Variants in COL4A3 observed in about 807,000 individuals in gnomAD.
The protein encoded by COL4A3 is collagen alpha-3(IV) chain.
In COL4A3, 135 loss-of-function variants were observed where a neutral mutation model predicts 217.4. That is an observed-to-expected ratio of 0.62 (90% CI 0.54 to 0.72). The LOEUF (loss-of-function observed/expected upper bound fraction) is 0.72, where lower values mean the gene tolerates loss of function less well. COL4A3 is among the 30% of genes least tolerant of loss of function. The probability of loss-of-function intolerance (pLI) is 0.00; values close to 1 mark genes in which losing one functional copy is unlikely to be tolerated. For synonymous variants in COL4A3, 690 were observed against 736.3 expected (o/e 0.94, Z 1.02); for missense variants, 1,868 against 2,119.9 (o/e 0.88, Z 2.33).
chr2:227,199,797 T>A (rs1470297386), intron 1 of COL4A3, among the ~76,000 whole-genome samples: 1 of 152,078 alleles, frequency 6.6e-6, no homozygotes, highest in Non-Finnish European at 1.5e-5. Context: ...TTTGTGCTTT[T>A]AACATGCATA....
chr2:227,193,742 AGGG>A (rs780174566), intron 1 of COL4A3, among the ~76,000 whole-genome samples: 8,630 of 39,114 alleles, frequency 0.22, 1,770 homozygotes, highest in East Asian at 0.37. Context: ...GGAGGGAGGG[AGGG>A]AGGGAAGGAA....
intron 1 of COL4A3, among the ~76,000 whole-genome samples, chr2:227,183,797 T>C (rs6436659): frequency 0.17 from 25,884 of 152,112 alleles, 2,378 homozygotes; most frequent in Admixed American, 0.25. Context: ...AGTCAAAAGA[T>C]TGGGCACAGG....
At chr2:227,218,651 C>A (rs1018711163) in intron 1 of COL4A3, among the ~76,000 whole-genome samples, 2 of 152,054 alleles carry the variant, frequency 1.3e-5, no homozygotes, top group African/African-American at 4.8e-5. Context: ...CCAACTTGAA[C>A]AATCAAACTC....
chr2:227,274,277 TA>T (rs1293972346), intron 26 of COL4A3, among the ~76,000 whole-genome samples: 2 of 78,602 alleles, frequency 2.5e-5, no homozygotes, highest in African/African-American at 6.8e-5. Context: ...AAATAAATTT[TA>T]AAAATCACTT....
intron 1 of COL4A3, among the ~76,000 whole-genome samples, chr2:227,226,877 A>C (rs535765523): frequency 6.6e-6 from 1 of 152,362 alleles, no homozygotes; most frequent in South Asian, 2.1e-4. Flanking sequence ...CACGTAGTAA[A>C]TATTTTAGGC....
intron 1 of COL4A3, among the ~76,000 whole-genome samples, chr2:227,200,985 T>C (rs2066664190): frequency 5.3e-5 from 8 of 152,216 alleles, no homozygotes; most frequent in Admixed American, 5.2e-4. Flanking sequence ...GGAAGAAGTG[T>C]TCTTCTTAAA....
At chr2:227,257,982 C>G (rs2070298641) in intron 18 of COL4A3, among the ~76,000 whole-genome samples, 2 of 152,208 alleles carry the variant, frequency 1.3e-5, no homozygotes, top group South Asian at 4.1e-4. Flanking sequence ...TCTCCTCCCT[C>G]CACCTGGGCC....
intron 34 of COL4A3, among the ~76,000 whole-genome samples, chr2:227,286,528 G>C (rs2106187334): frequency 6.6e-6 from 1 of 152,242 alleles, no homozygotes; most frequent in South Asian, 2.1e-4. Flanking sequence ...CTAGGAGTAG[G>C]TACTACTATT....
chr2:227,306,089 T>G (rs2073489122), intron 47 of COL4A3, among the ~76,000 whole-genome samples: 1 of 152,344 alleles, frequency 6.6e-6, no homozygotes, highest in Non-Finnish European at 1.5e-5. Context: ...TTCCTTAAAG[T>G]GTGGTTTTTG....
chr2:227,182,992 G>A (rs989094721), intron 1 of COL4A3, among the ~76,000 whole-genome samples: 2 of 152,136 alleles, frequency 1.3e-5, no homozygotes, highest in African/African-American at 4.8e-5. Context: ...CCTTCACAAA[G>A]CAGCATTTAG....
chr2:227,229,377 T>C (rs1468078407), intron 1 of COL4A3, among the ~76,000 whole-genome samples: 5 of 152,250 alleles, frequency 3.3e-5, no homozygotes, highest in African/African-American at 4.8e-5. Flanking sequence ...TCAACCAATA[T>C]AGTCAGTGTA....
Position 227,253,989 on chromosome 2 carries a change from C to A in COL4A3, c.766-123C>A. ...TGGAAGGTGTATTGGGTTGTGTTAACACGAGGCACATTCATAGTTTGTAAA... is the reference window on the plus strand; with the variant it reads ...TGGAAGGTGTATTGGGTTGTGTTAAAACGAGGCACATTCATAGTTTGTAAA... On this transcript the variant is annotated intron_variant, in intron 13 of 51. Coordinates refer to ENST00000396578, the MANE Select transcript of COL4A3 (RefSeq NM_000091.5). The surrounding 1 kb of genome is among the most constrained non-coding windows in gnomAD (Gnocchi z 4.4). The A allele has an allele frequency of 1.1e-6, 1 of 910,342 alleles. No individual in the cohort carries two copies. The highest frequency in any genetic ancestry group is 1.8e-6 in the Non-Finnish European group (1 of 550,638). The allele number at this position is 910,342 out of a possible 1,614,324, so 56.4% of individuals were successfully genotyped here. A position where few individuals can be genotyped will look rare whatever the true frequency, so the allele number is the denominator to read the frequency against.
chr2:227,166,077 A>G (rs1035021554), intron 1 of COL4A3, among the ~76,000 whole-genome samples: 2 of 152,216 alleles, frequency 1.3e-5, no homozygotes, highest in Non-Finnish European at 2.9e-5. Context: ...GTCAGTATTT[A>G]AGATCCTCCT....
At chr2:227,204,228 C>G (rs570033299) in intron 1 of COL4A3, among the ~76,000 whole-genome samples, 2 of 152,180 alleles carry the variant, frequency 1.3e-5, no homozygotes, top group Admixed American at 1.3e-4. Context: ...TTGTAATATG[C>G]AATAAGGATT....
chr2:227,190,975 A>G (rs1236712257), intron 1 of COL4A3, among the ~76,000 whole-genome samples: 1 of 152,206 alleles, frequency 6.6e-6, no homozygotes, highest in Non-Finnish European at 1.5e-5. Context: ...CTTAAGGACA[A>G]TATCATTAAT....
chr2:227,241,151 T>C (rs1465314592), intron 3 of COL4A3, among the ~76,000 whole-genome samples: 1 of 152,198 alleles, frequency 6.6e-6, no homozygotes, highest in East Asian at 1.9e-4. Context: ...AGGGCTTTGT[T>C]TAAATAAATA....
intron 1 of COL4A3, among the ~76,000 whole-genome samples, chr2:227,223,087 T>A (rs184714965): frequency 3.9e-5 from 6 of 152,296 alleles, no homozygotes; most frequent in Non-Finnish European, 7.4e-5. Context: ...TGGGGATGAA[T>A]CTTAGTTCCT....
rs867426231 is a variant in COL4A3, at chr2:227,313,668, G to A, written c.*1798G>A. The A allele has an allele frequency of 3.9e-5, 6 of 152,610 alleles. No homozygotes were observed. Among genetic ancestry groups the A allele is most frequent in the Admixed American group, 1.3e-4 (2 of 15,286 alleles). The allele number at this position is 152,610 out of a possible 1,614,324, so 9.5% of individuals were successfully genotyped here. ...ATGGTTTACATCCTTCACTGCTCAC[G>A]TGTTTGCTGTCAAGCCATTTTTACA... On this transcript the variant is annotated 3_prime_UTR_variant, in exon 52 of 52. Coordinates refer to ENST00000396578, the MANE Select transcript of COL4A3 (RefSeq NM_000091.5).
intron 29 of COL4A3, 63 bp from the exon 30 acceptor site, chr2:227,280,377 A>T: frequency 6.3e-7 from 1 of 1,583,432 alleles, no homozygotes; most frequent in African/African-American, 1.3e-5. Flanking sequence ...TCCATAACAG[A>T]GAGTCAATAT....
Sources: allele counts gnomAD v4.1 joint callset (sites outside exome capture counted in the v4.1 genomes callset), GRCh38; gene constraint gnomAD v4.1.1; non-coding constraint Gnocchi (gnomAD v3.1); transcripts MANE v1.5; gene names NCBI Gene and HGNC (gene_info 2026-07-23, HGNC 2026-07-21).